Variants in GPC6 observed in about 807,000 individuals in gnomAD.
GPC6 encodes the protein glypican-6.
Under a neutral mutation model 55.2 loss-of-function variants are expected in GPC6, and 14 were observed. The observed-to-expected ratio is 0.25, with a 90% CI of 0.17 to 0.40. The LOEUF (loss-of-function observed/expected upper bound fraction) is 0.40, where lower values mean the gene tolerates loss of function less well. Among genes scored for constraint, GPC6 ranks in the 10% least tolerant of loss-of-function variants. The pLI, the probability that GPC6 is intolerant of heterozygous loss-of-function variation, is 1.00. For missense variants in GPC6, 641 were observed against 708.5 expected (o/e 0.90, Z 1.08); for synonymous variants, 278 against 259.6 (o/e 1.07, Z -0.68).
At chr13:93,533,635 T>G (rs1402613190) in intron 1 of GPC6, among the ~76,000 whole-genome samples, 1 of 152,160 alleles carries the variant, frequency 6.6e-6, no homozygotes, top group Non-Finnish European at 1.5e-5. Context: ...TGTGAGATCT[T>G]GCCATCTTCT....
intron 3 of GPC6, among the ~76,000 whole-genome samples, chr13:93,921,243 G>A (rs1340308166): frequency 6.6e-6 from 1 of 152,174 alleles, no homozygotes; most frequent in Non-Finnish European, 1.5e-5. Context: ...GTCGGGCCAA[G>A]TGCTTTTTGG....
chr13:93,684,369 G>A (rs1020416597), intron 2 of GPC6, among the ~76,000 whole-genome samples: 1 of 152,024 alleles, frequency 6.6e-6, no homozygotes, highest in Admixed American at 6.6e-5. Flanking sequence ...TGTATTTTTA[G>A]TAGAGGTGGG....
intron 1 of GPC6, among the ~76,000 whole-genome samples, chr13:93,472,646 C>T (rs1879161513): frequency 6.6e-6 from 1 of 152,200 alleles, no homozygotes; most frequent in Non-Finnish European, 1.5e-5. Context: ...ATGTGGAGCT[C>T]CCAAGTTTGG....
intron 6 of GPC6, among the ~76,000 whole-genome samples, chr13:94,367,310 C>T (rs1879326926): frequency 2.0e-5 from 3 of 152,206 alleles, no homozygotes; most frequent in Admixed American, 2.0e-4. Context: ...GGTCTGGATT[C>T]CCAAAGAACA....
At chr13:94,381,325 A>T (rs564859704) in intron 6 of GPC6, among the ~76,000 whole-genome samples, 1 of 152,230 alleles carries the variant, frequency 6.6e-6, no homozygotes, top group African/African-American at 2.4e-5. Context: ...CTGGGGCTGG[A>T]AGTCTGAAAT....
intron 3 of GPC6, among the ~76,000 whole-genome samples, chr13:93,965,195 C>A (rs145913640): frequency 7.2e-6 from 1 of 138,828 alleles, no homozygotes; most frequent in Non-Finnish European, 1.5e-5. Context: ...GCAGATCACA[C>A]GGTCAGGAGA....
intron 1 of GPC6, among the ~76,000 whole-genome samples, chr13:93,336,700 A>G (rs1183368838): frequency 6.6e-6 from 1 of 152,178 alleles, no homozygotes; most frequent in Non-Finnish European, 1.5e-5. Flanking sequence ...TGTGAGGGTT[A>G]CTAGGTAGAC....
intron 6 of GPC6, among the ~76,000 whole-genome samples, chr13:94,372,684 T>G (rs534418925): frequency 3.5e-3 from 528 of 150,028 alleles, no homozygotes; most frequent in African/African-American, 0.011. Flanking sequence ...CAAAGCAGCC[T>G]GGAAGCTCGA....
At chr13:93,774,547 C>T (rs1251661823) in intron 2 of GPC6, among the ~76,000 whole-genome samples, 1 of 152,082 alleles carries the variant, frequency 6.6e-6, no homozygotes, top group Non-Finnish European at 1.5e-5. Context: ...TAGTAAAAGT[C>T]GTGTATAAAG....
chr13:93,824,668 A>G (rs988206530), intron 2 of GPC6, among the ~76,000 whole-genome samples: 3 of 152,238 alleles, frequency 2.0e-5, no homozygotes, highest in Admixed American at 6.5e-5. Flanking sequence ...ATACATGAAT[A>G]TTTATATGTG....
chr13:93,521,275 T>G (rs572867618), intron 1 of GPC6, among the ~76,000 whole-genome samples: 57 of 152,014 alleles, frequency 3.7e-4, no homozygotes, highest in African/African-American at 1.3e-3. Flanking sequence ...AAGAATTAAC[T>G]CCAGGGGAAG....
intron 5 of GPC6, among the ~76,000 whole-genome samples, chr13:94,304,913 A>AAGAG (rs960267828): frequency 6.6e-6 from 1 of 152,238 alleles, no homozygotes; most frequent in African/African-American, 2.4e-5. Context: ...ACCACTGCTC[A>AAGAG]AGAGAGTGTT....
At chr13:94,277,736 G>T (rs1892256636) in intron 4 of GPC6, among the ~76,000 whole-genome samples, 1 of 152,168 alleles carries the variant, frequency 6.6e-6, no homozygotes, top group Admixed American at 6.5e-5. Flanking sequence ...AGATCAGATG[G>T]TTGTAGATGT....
chr13:93,800,814 T>C (rs1886345875), intron 2 of GPC6, among the ~76,000 whole-genome samples: 1 of 152,234 alleles, frequency 6.6e-6, no homozygotes, highest in Admixed American at 6.5e-5. Flanking sequence ...GAAAATTAGA[T>C]GCACTCATCT....
intron 3 of GPC6, among the ~76,000 whole-genome samples, chr13:93,975,065 T>C (rs1466935321): frequency 1.3e-5 from 2 of 152,172 alleles, no homozygotes. Context: ...TGCCTGGGAA[T>C]TGGTAGAAAT....
chr13:93,960,801 ATTT>A (rs541680060), intron 3 of GPC6, among the ~76,000 whole-genome samples: 6 of 124,544 alleles, frequency 4.8e-5, no homozygotes, highest in African/African-American at 1.3e-4. Flanking sequence ...TATTGCTGGA[ATTT>A]TTTTTTTTTT....
chr13:93,921,456 G>T (rs1877565194), intron 3 of GPC6, among the ~76,000 whole-genome samples: 5 of 152,058 alleles, frequency 3.3e-5, no homozygotes, highest in African/African-American at 1.2e-4. Context: ...TAAATGTAGG[G>T]GATTTTATTG....
chr13:93,720,945 A>T (rs1272702196), intron 2 of GPC6, among the ~76,000 whole-genome samples: 4 of 151,352 alleles, frequency 2.6e-5, no homozygotes, highest in African/African-American at 9.7e-5. Context: ...TATGATTTCC[A>T]TTCTTCTGCA....
intron 3 of GPC6, among the ~76,000 whole-genome samples, chr13:93,986,381 G>A (rs2077088517): frequency 1.3e-5 from 2 of 152,180 alleles, no homozygotes; most frequent in Admixed American, 6.5e-5. Flanking sequence ...ATTAAGGCTT[G>A]TGTGATAATT....
Sources: gnomAD v4.1 joint callset for allele counts (sites outside exome capture counted in the v4.1 genomes callset) on GRCh38, gnomAD v4.1.1 for gene constraint, MANE v1.5 for transcripts, NCBI Gene and HGNC (gene_info 2026-07-23, HGNC 2026-07-21) for gene names.